Variants in LY75 observed in about 807,000 individuals in gnomAD.
LY75 encodes lymphocyte antigen 75, also known as C-type lectin domain family 13 member B.
In LY75, 185 loss-of-function variants were observed where a neutral mutation model predicts 231.7. The observed-to-expected ratio is 0.80, with a 90% confidence interval of 0.71 to 0.90. The LOEUF is 0.90. LY75 is among the 40% of genes least tolerant of loss of function. LY75 has a pLI of 0.00. For synonymous variants in LY75, 668 were observed against 689.0 expected, an observed-to-expected ratio of 0.97 and a Z score of 0.48; for missense variants, 1,947 against 2,050.2, an observed-to-expected ratio of 0.95 and a Z score of 0.97.
chr2:159,860,923 C>A, intron 14 of LY75, 34 bp from the exon 15 acceptor site: 1 of 1,612,432 alleles, frequency 6.2e-7, no homozygotes, highest in Non-Finnish European at 8.5e-7. Context: ...GAATTTAAGA[C>A]TGATGTATAA....
At chr2:159,853,478 T>C (rs1178419300) in intron 19 of LY75, 126 bp from the exon 20 acceptor site, 1 of 1,462,520 alleles carries the variant, frequency 6.8e-7, no homozygotes, top group Admixed American at 2.1e-5. Flanking sequence ...CCTTTTTTCT[T>C]GATGCTAACA....
Position 159,804,812 on chromosome 2 carries a change from A to G in LY75, c.*232T>C, listed in dbSNP as rs1574513379. 2.8e-6 allele frequency: 1 copy of G among 357,712 alleles called. No individual in the cohort carries two copies. The highest frequency in any genetic ancestry group is 4.9e-5 in the East Asian group (1 of 20,272). The allele number at this position is 357,712 out of a possible 1,614,324, so 22.2% of individuals were successfully genotyped here. On this transcript the variant is annotated 3_prime_UTR_variant, in exon 35 of 35. Coordinates refer to ENST00000263636, the MANE Select transcript of LY75 (RefSeq NM_002349.4). ...CATTAAACATATTACTGTACAAACA[A>G]TTTGGACTTCAGTTCCAGCTTTGGA...
intron 23 of LY75, among the ~76,000 whole-genome samples, chr2:159,842,839 CAAT>C (rs1224041401): frequency 3.3e-5 from 5 of 151,856 alleles, no homozygotes; most frequent in South Asian, 2.1e-4. Context: ...TAATCACAAT[CAAT>C]AATATTAGAT....
chr2:159,855,987 G>C (rs1230694529), intron 16 of LY75, among the ~76,000 whole-genome samples: 1 of 152,156 alleles, frequency 6.6e-6, no homozygotes, highest in African/African-American at 2.4e-5. Flanking sequence ...ATTCGTATTG[G>C]ATAATTTCCA....
intron 28 of LY75, among the ~76,000 whole-genome samples, chr2:159,825,948 AC>A (rs1487055989): frequency 6.6e-6 from 1 of 152,188 alleles, no homozygotes; most frequent in Admixed American, 6.5e-5. Context: ...TATTGATGGA[AC>A]GTATCTCAAA....
intron 3 of LY75, among the ~76,000 whole-genome samples, chr2:159,891,396 T>C (rs1685751892): frequency 6.6e-6 from 1 of 152,260 alleles, no homozygotes; most frequent in South Asian, 2.1e-4. Flanking sequence ...TTCTGACATT[T>C]GATAAAAACA....
intron 10 of LY75, 21 bp downstream of exon 10, chr2:159,878,612 C>T: frequency 1.9e-6 from 3 of 1,613,842 alleles, no homozygotes; most frequent in Non-Finnish European, 2.5e-6. Flanking sequence ...TTTATGAGTA[C>T]AAGTTTACTG....
intron 31 of LY75, among the ~76,000 whole-genome samples, 183 bp downstream of exon 31, chr2:159,815,222 C>G (rs1414248834): frequency 1.3e-5 from 2 of 152,126 alleles, no homozygotes; most frequent in Non-Finnish European, 2.9e-5. Context: ...AGGATGATCT[C>G]CATCTCCTGA....
chr2:159,872,805 G>T (rs1401552240), intron 12 of LY75, among the ~76,000 whole-genome samples: 2 of 152,112 alleles, frequency 1.3e-5, no homozygotes, highest in African/African-American at 2.4e-5. Flanking sequence ...AGTCCTTGTG[G>T]TCAGATGGAT....
rs1485612572 is a variant in LY75, at chr2:159,890,186, G to T, written c.802+27C>A. 4 of 1,595,198 alleles carry T rather than the reference G, an allele frequency of 2.5e-6. No homozygotes were observed. In the East Asian group the frequency reaches 6.7e-5, roughly 27 times the overall value. On this transcript the variant is annotated intron_variant, in intron 4 of 34. Coordinates refer to ENST00000263636, the MANE Select transcript of LY75 (RefSeq NM_002349.4). ...GTACCTTTACAATTTTAGCCAATTTGCTCTATCACATGCAAATAAAATCTA... is the reference window on the plus strand; with the variant it reads ...GTACCTTTACAATTTTAGCCAATTTTCTCTATCACATGCAAATAAAATCTA...
intron 24 of LY75, 36 bp from the exon 25 acceptor site, chr2:159,840,991 C>A: frequency 6.2e-7 from 1 of 1,603,944 alleles, no homozygotes; most frequent in Non-Finnish European, 8.5e-7. Flanking sequence ...ACAACAAACC[C>A]TTCCCCACAC....
chr2:159,858,494 T>C lies in LY75; in HGVS notation c.2269-18A>G. On this transcript the variant is annotated intron_variant, in intron 15 of 34. Transcript: ENST00000263636. ...TGAAATACCTATAAGAGGAAAAGTATTGCAGAATATTTTGAAGTTGATACA... is the reference window on the plus strand; with the variant it reads ...TGAAATACCTATAAGAGGAAAAGTACTGCAGAATATTTTGAAGTTGATACA... 6.2e-7 allele frequency: 1 copy of C among 1,601,174 alleles called. No individual in the cohort carries two copies. Among genetic ancestry groups the C allele is most frequent in the Non-Finnish European group, 8.5e-7 (1 of 1,176,012 alleles).
chr2:159,820,366 T>A (rs531961814), intron 28 of LY75, among the ~76,000 whole-genome samples: 1 of 152,346 alleles, frequency 6.6e-6, no homozygotes, highest in Non-Finnish European at 1.5e-5. Flanking sequence ...TAAAAAGGAA[T>A]GAAATAATGG....
intron 23 of LY75, 102 bp downstream of exon 23, chr2:159,849,878 C>CA: frequency 2.1e-6 from 3 of 1,434,128 alleles, no homozygotes; most frequent in Non-Finnish European, 2.8e-6. Context: ...ACATTTCATA[C>CA]AAATGGAATA....
rs775050124 is a variant in LY75 at position 159,834,159 on chromosome 2, A to G, written c.3726T>C (p.Pro1242=). 2.5e-6 allele frequency: 4 copies of G among 1,614,088 alleles called. No individual in the cohort carries two copies. Among genetic ancestry groups the G allele is most frequent in the Non-Finnish European group, 3.4e-6 (4 of 1,179,942 alleles). The change falls in exon 27 of 35, where the codon CCT becomes CCC. Residue 1242 remains proline, a synonymous_variant. Coordinates refer to ENST00000263636, the MANE Select transcript of LY75 (RefSeq NM_002349.4). ...ATGGTATCCACGGAGTATTTAGAACAGGAGATGGACATTTAACACTGTCAA... is the reference window on the plus strand; with the variant it reads ...ATGGTATCCACGGAGTATTTAGAACGGGAGATGGACATTTAACACTGTCAA... ...KPVDSVKCPS[P]VLNTPWIPFQ...
rs367893247 is a variant in LY75 at position 159,883,738 on chromosome 2, G to A, written c.1054+1415C>T. On this transcript the variant is annotated intron_variant, in intron 6 of 34. Coordinates refer to ENST00000263636, the MANE Select transcript of LY75 (RefSeq NM_002349.4). ...TGGCTTTTCTATTATGCCTTTTGTT[G>A]TATGGACTAAATTTGGTTTGAATCA... Among the ~76,000 whole-genome samples, 517 of 152,152 alleles carry A rather than the reference G, an allele frequency of 3.4e-3. 3 individuals are homozygous for A. The highest frequency in any genetic ancestry group is 0.012 in the African/African-American group (508 of 41,532).
chr2:159,807,178 A>T, intron 33 of LY75, 38 bp from the exon 34 acceptor site: 1 of 1,580,750 alleles, frequency 6.3e-7, no homozygotes, highest in Non-Finnish European at 8.6e-7. Flanking sequence ...GTCTACTGCC[A>T]CTAAACTAGT....
intron 14 of LY75, among the ~76,000 whole-genome samples, chr2:159,863,582 G>C (rs192532098): frequency 3.3e-5 from 5 of 152,124 alleles, no homozygotes; most frequent in Non-Finnish European, 7.4e-5. Context: ...ATGACTGTTG[G>C]CCATCTGTAT....
At chr2:159,875,770 G>A in intron 11 of LY75, 127 bp from the exon 12 acceptor site, 1 of 1,154,778 alleles carries the variant, frequency 8.7e-7, no homozygotes, top group Non-Finnish European at 1.2e-6. Context: ...ACAAAGAGAG[G>A]AAAGAAATAT....
Sources: gnomAD v4.1 joint callset for allele counts (sites outside exome capture counted in the v4.1 genomes callset) on GRCh38, gnomAD v4.1.1 for gene constraint, MANE v1.5 for transcripts, NCBI Gene and HGNC (gene_info 2026-07-23, HGNC 2026-07-21) for gene names.